The following BBX variants were observed in gnomAD, a reference collection of about 807,000 sequenced individuals.
The protein encoded by BBX is HMG box transcription factor BBX.
In BBX, 30 loss-of-function variants were observed where a neutral mutation model predicts 100.2. The observed-to-expected ratio is 0.30, with a 90% CI of 0.22 to 0.41. BBX has a LOEUF of 0.41. BBX is among the 10% of genes least tolerant of loss of function. The probability of loss-of-function intolerance (pLI) is 1.00; values close to 1 mark genes in which losing one functional copy is unlikely to be tolerated. For synonymous variants in BBX, 376 were observed against 388.1 expected (o/e 0.97, Z 0.37); for missense variants, 1,023 against 1,129.8 (o/e 0.91, Z 1.35).
intron 2 of BBX, among the ~76,000 whole-genome samples, chr3:107,540,772 C>G (rs1405034760): frequency 6.6e-6 from 1 of 152,186 alleles, no homozygotes; most frequent in Non-Finnish European, 1.5e-5. Context: ...CTTCCCTCAT[C>G]ACTAAAGTTG....
chr3:107,625,575 T>A (rs1449461866), intron 2 of BBX, among the ~76,000 whole-genome samples: 2 of 152,232 alleles, frequency 1.3e-5, no homozygotes, highest in Non-Finnish European at 2.9e-5. Context: ...GGAGCCACCA[T>A]GCCTGGTAAT....
intron 3 of BBX, among the ~76,000 whole-genome samples, chr3:107,687,813 G>A (rs1363565743): frequency 6.6e-6 from 1 of 152,166 alleles, no homozygotes; most frequent in Non-Finnish European, 1.5e-5. Flanking sequence ...CCAGCACTTT[G>A]GGAGGCCAAG....
At position 107,537,845 on chromosome 3, in the gene BBX, C is replaced by T. The variant is rs367559733; in HGVS notation, c.-84+11447C>T. Among the ~76,000 whole-genome samples, 57 of 152,288 alleles carry T rather than the reference C, an allele frequency of 3.7e-4. 2 individuals carry two copies. In the South Asian group the frequency reaches 0.011, roughly 30 times the overall value. On this transcript the variant is annotated intron_variant, in intron 2 of 17. Coordinates refer to ENST00000325805, the MANE Select transcript of BBX (RefSeq NM_001142568.3). Reference sequence around the variant, plus strand: ...TTTCTGAAATATTGTGCTCAGTGTTCCAGATGCCAGTGTACTTTAATAACA... The same window carrying T: ...TTTCTGAAATATTGTGCTCAGTGTTTCAGATGCCAGTGTACTTTAATAACA...
intron 4 of BBX, among the ~76,000 whole-genome samples, chr3:107,712,502 C>A (rs2061789545): frequency 6.6e-6 from 1 of 152,176 alleles, no homozygotes; most frequent in South Asian, 2.1e-4. Flanking sequence ...GTAGTTCATA[C>A]TTTGCTGCTT....
chr3:107,663,507 C>G (rs969753375), intron 3 of BBX, among the ~76,000 whole-genome samples: 1 of 152,128 alleles, frequency 6.6e-6, no homozygotes, highest in Non-Finnish European at 1.5e-5. Flanking sequence ...TTTACCCCCT[C>G]ATCACAATCC....
chr3:107,692,599 G>A (rs908322812), intron 3 of BBX, among the ~76,000 whole-genome samples: 16 of 152,032 alleles, frequency 1.1e-4, no homozygotes, highest in South Asian at 4.2e-4. Context: ...GTCTATCATT[G>A]TTGGACATTT....
intron 3 of BBX, among the ~76,000 whole-genome samples, chr3:107,673,780 A>G (rs533149192): frequency 1.1e-4 from 16 of 152,244 alleles, no homozygotes; most frequent in Admixed American, 5.2e-4. Flanking sequence ...AAAATACTAC[A>G]TGTAGAACTA....
At chr3:107,617,254 G>A (rs2055362949) in intron 2 of BBX, among the ~76,000 whole-genome samples, 1 of 152,162 alleles carries the variant, frequency 6.6e-6, no homozygotes, top group Non-Finnish European at 1.5e-5. Flanking sequence ...CTGTGTGTCT[G>A]ATCGTCCACT....
At chr3:107,559,985 C>T (rs1387856712) in intron 2 of BBX, among the ~76,000 whole-genome samples, 1 of 152,108 alleles carries the variant, frequency 6.6e-6, no homozygotes, top group Non-Finnish European at 1.5e-5. Flanking sequence ...CTCAAGCAAT[C>T]CACCCACCTT....
intron 2 of BBX, among the ~76,000 whole-genome samples, chr3:107,624,659 A>G (rs2056040133): frequency 6.6e-6 from 1 of 152,146 alleles, no homozygotes; most frequent in South Asian, 2.1e-4. Context: ...ACCTGAGGTC[A>G]GGAGTTTGAG....
intron 2 of BBX, among the ~76,000 whole-genome samples, chr3:107,618,476 G>C (rs2055472098): frequency 6.6e-6 from 1 of 151,940 alleles, no homozygotes; most frequent in African/African-American, 2.4e-5. Flanking sequence ...TCAGGTACCT[G>C]AGGTGAGAAT....
intron 3 of BBX, among the ~76,000 whole-genome samples, chr3:107,679,570 G>A (rs1229973682): frequency 6.6e-6 from 1 of 152,164 alleles, no homozygotes; most frequent in Non-Finnish European, 1.5e-5. Context: ...TCTTCAAGAA[G>A]ACATAGTGTG....
intron 2 of BBX, among the ~76,000 whole-genome samples, chr3:107,625,910 G>C (rs115293896): frequency 6.6e-6 from 1 of 151,938 alleles, no homozygotes; most frequent in Non-Finnish European, 1.5e-5. Flanking sequence ...AATAATAATC[G>C]TATTTTTTCA....
At chr3:107,803,206 TA>T (rs911252062) in intron 17 of BBX, among the ~76,000 whole-genome samples, 6 of 152,238 alleles carry the variant, frequency 3.9e-5, no homozygotes, top group African/African-American at 1.4e-4. Context: ...AGATTCTTTT[TA>T]TTTTTTTTAA....
intron 2 of BBX, among the ~76,000 whole-genome samples, chr3:107,567,407 T>C (rs2051002021): frequency 6.6e-6 from 1 of 152,160 alleles, no homozygotes; most frequent in South Asian, 2.1e-4. Flanking sequence ...TTTTTCTTTA[T>C]ATATTTCAAA....
At chr3:107,688,772 ATAG>A (rs2059990280) in intron 3 of BBX, among the ~76,000 whole-genome samples, 2 of 152,172 alleles carry the variant, frequency 1.3e-5, no homozygotes, top group South Asian at 4.1e-4. Flanking sequence ...TAGTCCATTA[ATAG>A]GTCCTCAAAA....
In BBX at chr3:107,789,769, T is replaced by C. The variant is rs2107925771; in HGVS notation, c.2204-18T>C. The C allele has an allele frequency of 2.8e-6, 4 of 1,410,310 alleles. No homozygotes were observed. Among genetic ancestry groups the C allele is most frequent in the Non-Finnish European group, 3.8e-6 (4 of 1,039,406 alleles). 87.4% of individuals were successfully genotyped at this position (1,410,310 alleles called of 1,614,324 possible). A position where few individuals can be genotyped will look rare whatever the true frequency, so the allele number is the denominator to read the frequency against. Reference sequence around the variant, plus strand: ...ACATTGTGAATTTAAAATATATTTATATTAATATTGTCTGTAGGTCCTTTC... The same window carrying C: ...ACATTGTGAATTTAAAATATATTTACATTAATATTGTCTGTAGGTCCTTTC... On this transcript the variant is annotated intron_variant, in intron 13 of 17. Transcript: ENST00000325805.
chr3:107,530,695 A>G (rs62263344), intron 2 of BBX, among the ~76,000 whole-genome samples: 28,369 of 152,144 alleles, frequency 0.19, 4,459 homozygotes, highest in East Asian at 0.88. Context: ...TATTCAAAAC[A>G]GCTGTATTTC....
At chr3:107,595,571 G>A (rs546699563) in intron 2 of BBX, among the ~76,000 whole-genome samples, 1 of 152,254 alleles carries the variant, frequency 6.6e-6, no homozygotes, top group East Asian at 1.9e-4. Context: ...TGAGTGGTTG[G>A]GAAGGAGATG....
Sources: gnomAD v4.1 joint callset for allele counts (sites outside exome capture counted in the v4.1 genomes callset) on GRCh38, gnomAD v4.1.1 for gene constraint, MANE v1.5 for transcripts, NCBI Gene and HGNC (gene_info 2026-07-23, HGNC 2026-07-21) for gene names.